The following ATP6V1C2 variants were observed in gnomAD, a reference collection of about 807,000 sequenced individuals.
ATP6V1C2 encodes the protein ATPase H+ transporting V1 subunit C2.
ATP6V1C2 carries 45 observed loss-of-function variants against 56.8 expected under a neutral mutation model. That is an observed-to-expected ratio of 0.79 (90% CI 0.62 to 1.02). The LOEUF (loss-of-function observed/expected upper bound fraction) is 1.02. Ranked by LOEUF, ATP6V1C2 falls within the 50% of genes least tolerant of loss-of-function variation. The probability of loss-of-function intolerance (pLI) is 0.00; values close to 1 mark genes in which losing one functional copy is unlikely to be tolerated. For synonymous variants in ATP6V1C2, 220 were observed against 201.3 expected, an observed-to-expected ratio of 1.09 and a Z score of -0.79; for missense variants, 463 against 519.7, an observed-to-expected ratio of 0.89 and a Z score of 1.06.
intron 3 of ATP6V1C2, among the ~76,000 whole-genome samples, chr2:10,739,682 T>C (rs1367654221): frequency 2.6e-5 from 4 of 152,210 alleles, no homozygotes; most frequent in African/African-American, 9.6e-5. Flanking sequence ...CAGCCCACTA[T>C]TAAAGCCCAC....
chr2:10,722,807 G>A lies in ATP6V1C2; in HGVS notation c.-26-17G>A. 6.2e-7 allele frequency: 1 copy of A among 1,610,348 alleles called. No individual in the cohort carries two copies. Among genetic ancestry groups the A allele is most frequent in the Non-Finnish European group, 8.5e-7 (1 of 1,178,094 alleles). On this transcript the variant is annotated splice_polypyrimidine_tract_variant and intron_variant, in intron 1 of 13. Coordinates refer to ENST00000272238, the MANE Select transcript of ATP6V1C2 (RefSeq NM_001039362.2). ...CTTCTGTTTCTGTTTGTGTATGTTT[G>A]TCCTGGTTCTGGGCAGTCACTGGGT...
chr2:10,725,424 A>G (rs1661586088), intron 2 of ATP6V1C2, among the ~76,000 whole-genome samples: 1 of 151,862 alleles, frequency 6.6e-6, no homozygotes, highest in Non-Finnish European at 1.5e-5. Context: ...TTCTCTGAAA[A>G]GAAAAGGACC....
intron 3 of ATP6V1C2, among the ~76,000 whole-genome samples, chr2:10,741,479 T>G (rs1254770249): frequency 2.0e-5 from 3 of 151,834 alleles, no homozygotes; most frequent in Non-Finnish European, 4.4e-5. Flanking sequence ...CTCTCAGGTG[T>G]GGGGGCCCCT....
Position 10,784,878 on chromosome 2 carries a change from G to A in ATP6V1C2, c.*1615G>A. On this transcript the variant is annotated 3_prime_UTR_variant, in exon 14 of 14. Coordinates refer to ENST00000272238, the MANE Select transcript of ATP6V1C2 (RefSeq NM_001039362.2). ...TGACTCCAGGTGCAGAGATGCACAGGCTCAAGAGAGTAAACCAGGACTGCT... is the reference window on the plus strand; with the variant it reads ...TGACTCCAGGTGCAGAGATGCACAGACTCAAGAGAGTAAACCAGGACTGCT... The A allele has an allele frequency of 7.9e-7, 1 of 1,271,586 alleles. No homozygotes were observed. Among genetic ancestry groups the A allele is most frequent in the Non-Finnish European group, 1.1e-6 (1 of 891,172 alleles). 78.8% of individuals were successfully genotyped at this position (1,271,586 alleles called of 1,614,324 possible).
At chr2:10,771,785 C>T in intron 6 of ATP6V1C2, 54 bp from the exon 7 acceptor site, 2 of 1,419,834 alleles carry the variant, frequency 1.4e-6, no homozygotes, top group Middle Eastern at 1.8e-4. Flanking sequence ...TGTGGGGTCA[C>T]TGTGTCCCTT....
Position 10,754,021 on chromosome 2 carries a change from G to C in ATP6V1C2, c.238G>C (p.Glu80Gln), listed in dbSNP as rs1268936984. 6.2e-7 allele frequency: 1 copy of C among 1,608,464 alleles called. No homozygotes were observed. Among genetic ancestry groups the C allele is most frequent in the East Asian group, 2.2e-5 (1 of 44,764 alleles). ...GGCTCAGAGCGTGGTGGAAGTCATG[G>C]AGGACTCAAAGGGGAAGGTCCAGGA... Reference protein sequence around the residue: ...RMAQSVVEVMEDSKGKVQEHL... With the variant: ...RMAQSVVEVMQDSKGKVQEHL... Residue 80 changes from glutamate (E) to glutamine (Q), a missense_variant, in exon 4 of 14, where the codon GAG becomes CAG. Coordinates refer to ENST00000272238, the MANE Select transcript of ATP6V1C2 (RefSeq NM_001039362.2).
chr2:10,735,491 C>G (rs1321308992), intron 3 of ATP6V1C2, among the ~76,000 whole-genome samples: 1 of 152,144 alleles, frequency 6.6e-6, no homozygotes, highest in African/African-American at 2.4e-5. Context: ...TTTTTAATTA[C>G]CCACGTGGCT....
At chr2:10,723,696 A>T (rs1345452035) in intron 2 of ATP6V1C2, among the ~76,000 whole-genome samples, 1 of 151,590 alleles carries the variant, frequency 6.6e-6, no homozygotes, top group African/African-American at 2.4e-5. Flanking sequence ...AAAAATAGCC[A>T]GGCATGGTGG....
At chr2:10,727,669 C>A (rs1047672624) in intron 3 of ATP6V1C2, among the ~76,000 whole-genome samples, 2 of 152,140 alleles carry the variant, frequency 1.3e-5, no homozygotes, top group African/African-American at 4.8e-5. Flanking sequence ...GAGGCCGAGG[C>A]AGGTGGATCA....
chr2:10,748,537 C>T (rs1663039568), intron 3 of ATP6V1C2, among the ~76,000 whole-genome samples: 1 of 152,142 alleles, frequency 6.6e-6, no homozygotes. Flanking sequence ...GTGTAACCAA[C>T]ATCCCAATCA....
chr2:10,731,753 T>C (rs1188919932), intron 3 of ATP6V1C2, among the ~76,000 whole-genome samples: 1 of 152,078 alleles, frequency 6.6e-6, no homozygotes, highest in Non-Finnish European at 1.5e-5. Flanking sequence ...ATGGGTGGAA[T>C]GCTTGAGCCC....
At chr2:10,759,702 G>A (rs1310265193) in intron 4 of ATP6V1C2, among the ~76,000 whole-genome samples, 1 of 152,122 alleles carries the variant, frequency 6.6e-6, no homozygotes, top group Non-Finnish European at 1.5e-5. Context: ...GGAGGGGCTG[G>A]GCACGGTGGC....
chr2:10,750,558 A>G (rs1321397905), intron 3 of ATP6V1C2, among the ~76,000 whole-genome samples: 1 of 151,858 alleles, frequency 6.6e-6, no homozygotes, highest in Non-Finnish European at 1.5e-5. Context: ...AAACCTTCAC[A>G]GAGGCTAGGA....
chr2:10,727,492 G>A (rs2148407969), intron 3 of ATP6V1C2, among the ~76,000 whole-genome samples: 1 of 152,176 alleles, frequency 6.6e-6, no homozygotes, highest in Non-Finnish European at 1.5e-5. Context: ...GGAGCTTGAG[G>A]CTGCAGTGAG....
chr2:10,759,587 C>T (rs942584806), intron 4 of ATP6V1C2, among the ~76,000 whole-genome samples: 1 of 152,156 alleles, frequency 6.6e-6, no homozygotes, highest in Non-Finnish European at 1.5e-5. Flanking sequence ...TGCGTTGCCC[C>T]CTCTGAGGCC....
intron 6 of ATP6V1C2, among the ~76,000 whole-genome samples, chr2:10,769,822 A>T (rs904789577): frequency 1.3e-5 from 2 of 152,154 alleles, no homozygotes; most frequent in Non-Finnish European, 2.9e-5. Flanking sequence ...CAGTCCCCCC[A>T]GACTCTGGAT....
At chr2:10,734,131 C>T (rs183058123) in intron 3 of ATP6V1C2, among the ~76,000 whole-genome samples, 78 of 152,214 alleles carry the variant, frequency 5.1e-4, no homozygotes, top group Middle Eastern at 3.4e-3. Context: ...CTCTGTATGC[C>T]GCATGCATGG....
chr2:10,735,033 C>T (rs1313032092), intron 3 of ATP6V1C2, among the ~76,000 whole-genome samples: 4 of 151,920 alleles, frequency 2.6e-5, no homozygotes, highest in South Asian at 2.1e-4. Flanking sequence ...TGCAGTGAGC[C>T]GTGATCGAGC....
intron 6 of ATP6V1C2, 32 bp downstream of exon 6, chr2:10,768,842 G>A: frequency 6.3e-7 from 1 of 1,579,740 alleles, no homozygotes; most frequent in Non-Finnish European, 8.7e-7. Flanking sequence ...CATCTGGCGG[G>A]GGCAGGTCCT....
Sources: gnomAD v4.1 joint callset for allele counts (sites outside exome capture counted in the v4.1 genomes callset) on GRCh38, gnomAD v4.1.1 for gene constraint, MANE v1.5 for transcripts, NCBI Gene and HGNC (gene_info 2026-07-23, HGNC 2026-07-21) for gene names.